ZBTB20: variants seen among roughly 807,000 people sequenced by gnomAD.
ZBTB20 encodes zinc finger and BTB domain containing 20, also known as zinc finger and BTB domain-containing protein 20.
ZBTB20 carries 9 observed loss-of-function variants against 56.9 expected under a neutral mutation model. The ratio of observed to expected loss-of-function variants is 0.16; its 90% CI spans 0.10 to 0.28. The LOEUF (loss-of-function observed/expected upper bound fraction) is 0.28, where lower values mean the gene tolerates loss of function less well. Ranked by LOEUF, ZBTB20 falls within the 10% of genes least tolerant of loss-of-function variation. The pLI is 1.00. For synonymous variants in ZBTB20, 417 were observed against 420.7 expected (o/e 0.99, Z 0.11); for missense variants, 655 against 1,003.0 (o/e 0.65, Z 4.69).
intron 11 of ZBTB20, among the ~76,000 whole-genome samples, chr3:114,341,803 A>G (rs146405027): frequency 1.1e-3 from 160 of 152,326 alleles, no homozygotes; most frequent in Middle Eastern, 3.4e-3. Flanking sequence ...GCAGTTGCAC[A>G]TGGTCCTTTG....
At chr3:114,477,053 C>T (rs1288746490) in intron 7 of ZBTB20, among the ~76,000 whole-genome samples, 1 of 152,162 alleles carries the variant, frequency 6.6e-6, no homozygotes, top group African/African-American at 2.4e-5. Context: ...GTACCTAGAA[C>T]ACTGTTAGTG....
intron 7 of ZBTB20, among the ~76,000 whole-genome samples, chr3:114,436,614 A>T (rs1256820520): frequency 6.6e-6 from 1 of 152,192 alleles, no homozygotes; most frequent in African/African-American, 2.4e-5. Context: ...TTTCATACAA[A>T]AAAAGTAATA....
chr3:114,397,861 G>A (rs1021577937), intron 7 of ZBTB20, among the ~76,000 whole-genome samples: 16 of 152,010 alleles, frequency 1.1e-4, no homozygotes, highest in Admixed American at 7.9e-4. Context: ...AATATGCTTC[G>A]GGAAAAGATG....
intron 6 of ZBTB20, among the ~76,000 whole-genome samples, chr3:114,682,567 T>C (rs1263632275): frequency 1.3e-5 from 2 of 152,010 alleles, no homozygotes; most frequent in African/African-American, 4.8e-5. Flanking sequence ...TTACCATAAT[T>C]GATGAATTCA....
At chr3:115,011,506 T>C (rs990560766) in intron 2 of ZBTB20, among the ~76,000 whole-genome samples, 3 of 151,830 alleles carry the variant, frequency 2.0e-5, no homozygotes, top group Non-Finnish European at 4.4e-5. Context: ...GCAGGTAATA[T>C]TTAAAGTACT....
intron 3 of ZBTB20, among the ~76,000 whole-genome samples, chr3:114,947,103 T>C (rs970691251): frequency 6.9e-6 from 1 of 144,940 alleles, no homozygotes; most frequent in Admixed American, 6.7e-5. Context: ...AAAATCACGA[T>C]GAGAGATCAT....
At chr3:114,848,759 T>G (rs1019598727) in intron 4 of ZBTB20, among the ~76,000 whole-genome samples, 1 of 152,230 alleles carries the variant, frequency 6.6e-6, no homozygotes. Flanking sequence ...CTTTGGCTTT[T>G]CAGCAAAAGA....
At chr3:114,417,930 G>A (rs1230755491) in intron 7 of ZBTB20, among the ~76,000 whole-genome samples, 1 of 152,022 alleles carries the variant, frequency 6.6e-6, no homozygotes, top group Non-Finnish European at 1.5e-5. Flanking sequence ...ATTGTGTAGT[G>A]TGTGTAGTGA....
chr3:114,544,419 TTCTTTCTTTCTTTC>T (rs1456977847), intron 6 of ZBTB20, among the ~76,000 whole-genome samples: 1 of 25,346 alleles, frequency 3.9e-5, no homozygotes, highest in Non-Finnish European at 7.1e-5. Context: ...CTTTCTTTCT[TTCTTTCTTTCTTTC>T]TTTCTTTCTT....
At chr3:114,408,495 C>A (rs527692124) in intron 7 of ZBTB20, among the ~76,000 whole-genome samples, 1 of 152,042 alleles carries the variant, frequency 6.6e-6, no homozygotes, top group East Asian at 1.9e-4. Flanking sequence ...TAGAACAAGT[C>A]CTCATACCCT....
At chr3:114,393,025 A>G (rs2086019164) in intron 7 of ZBTB20, among the ~76,000 whole-genome samples, 1 of 152,208 alleles carries the variant, frequency 6.6e-6, no homozygotes, top group Non-Finnish European at 1.5e-5. Context: ...CGCTTGACTC[A>G]CTGTTACTCA....
intron 1 of ZBTB20, among the ~76,000 whole-genome samples, chr3:115,079,097 T>C (rs1017852768): frequency 1.1e-4 from 17 of 152,202 alleles, no homozygotes; most frequent in African/African-American, 3.6e-4. Context: ...TTAATATTTA[T>C]TCCACATAAA....
At chr3:114,496,460 G>C (rs780132486) in intron 7 of ZBTB20, among the ~76,000 whole-genome samples, 2 of 152,150 alleles carry the variant, frequency 1.3e-5, no homozygotes, top group Non-Finnish European at 2.9e-5. Flanking sequence ...CAGGTCACTG[G>C]GGGACCTGGG....
chr3:114,790,530 G>A (rs2070874325), intron 5 of ZBTB20, among the ~76,000 whole-genome samples: 1 of 151,810 alleles, frequency 6.6e-6, no homozygotes, highest in African/African-American at 2.4e-5. Context: ...CAATAACATG[G>A]ATGAATCATC....
At chr3:114,661,503 T>C (rs1458361526) in intron 6 of ZBTB20, among the ~76,000 whole-genome samples, 1 of 152,168 alleles carries the variant, frequency 6.6e-6, no homozygotes, top group Non-Finnish European at 1.5e-5. Context: ...TTGCATAATC[T>C]TCCTTCAAAT....
intron 6 of ZBTB20, among the ~76,000 whole-genome samples, chr3:114,571,376 C>T (rs752351268): frequency 2.6e-5 from 4 of 152,192 alleles, no homozygotes; most frequent in African/African-American, 7.2e-5. Context: ...AAGCTTACCT[C>T]TCAAGTCAGC....
At chr3:114,792,870 CTTTT>C (rs2071065579) in intron 5 of ZBTB20, among the ~76,000 whole-genome samples, 1 of 106,422 alleles carries the variant, frequency 9.4e-6, no homozygotes, top group Non-Finnish European at 1.8e-5. Context: ...TTTTCTTTTT[CTTTT>C]TCTTTTTTTT....
At position 115,006,023 on chromosome 3, in the gene ZBTB20, T is replaced by C. The variant is rs914762392; in HGVS notation, c.-506-31607A>G. On this transcript the variant is annotated intron_variant, in intron 2 of 11. Coordinates refer to ENST00000675478, the MANE Select transcript of ZBTB20 (RefSeq NM_001348800.3). The stretch of plus-strand genomic sequence containing the variant: ...AAATGTTTTTTTTTTCTTTTTTCTT[T>C]TTTGTTATTGCTTTCTGATCTACTA... Among the ~76,000 whole-genome samples, 28 of 151,858 alleles carry C rather than the reference T, an allele frequency of 1.8e-4. 1 individual carries two copies. Among genetic ancestry groups the C allele is most frequent in the East Asian group, 9.8e-4 (5 of 5,128 alleles).
chr3:114,789,924 T>A (rs573426513), intron 5 of ZBTB20, among the ~76,000 whole-genome samples: 27 of 152,270 alleles, frequency 1.8e-4, no homozygotes, highest in African/African-American at 4.8e-4. Context: ...CTGAGGTTTA[T>A]AAGTGAAACA....
Sources: allele counts gnomAD v4.1 joint callset (sites outside exome capture counted in the v4.1 genomes callset), GRCh38; gene constraint gnomAD v4.1.1; transcripts MANE v1.5; gene names NCBI Gene and HGNC (gene_info 2026-07-23, HGNC 2026-07-21).